Variants in KAT14 observed in about 807,000 individuals in gnomAD.
KAT14 encodes the protein cysteine-rich protein 2-binding protein.
A neutral mutation model predicts 78.4 loss-of-function variants in KAT14; 66 were observed. The ratio of observed to expected loss-of-function variants is 0.84; its 90% CI spans 0.69 to 1.03. KAT14 has a LOEUF of 1.03. KAT14 is among the 50% of genes least tolerant of loss of function. The pLI is 0.00. For synonymous variants in KAT14, 344 were observed against 359.4 expected (o/e 0.96, Z 0.48); for missense variants, 870 against 972.5 (o/e 0.89, Z 1.40).
rs749989905 is a variant in KAT14 at position 18,145,252 on chromosome 20, C to G, written c.279C>G (p.Leu93=). ...TCCTAGGTCAGCTGAGGGAACAGCT[C>G]AGTTACCTTAAGGGTGATAATTTTT... is the stretch of plus-strand genomic sequence containing the variant. ...WIPASQLREQ[L]SYLKGDNFFR... Residue 93 remains leucine (L), a synonymous_variant, in exon 3 of 11, where the codon CTC becomes CTG. Coordinates refer to ENST00000688188, the MANE Select transcript of KAT14 (RefSeq NM_001392073.1). 6.2e-7 allele frequency: 1 copy of G among 1,614,146 alleles called. No homozygotes were observed. Among genetic ancestry groups the G allele is most frequent in the Non-Finnish European group, 8.5e-7 (1 of 1,180,016 alleles).
intron 2 of KAT14, chr20:18,145,005 T>C: frequency 1.8e-6 from 2 of 1,088,406 alleles, no homozygotes; most frequent in Non-Finnish European, 2.3e-6. Flanking sequence ...TTCCAGTACC[T>C]TTCTCCTAAA....
intron 7 of KAT14, 114 bp downstream of exon 7, chr20:18,163,059 G>GAAGAGAA: frequency 7.4e-7 from 1 of 1,352,332 alleles, no homozygotes; most frequent in Non-Finnish European, 9.9e-7. Flanking sequence ...AGTAATTTGG[G>GAAGAGAA]AAGAGAAAAG....
intron 4 of KAT14, among the ~76,000 whole-genome samples, chr20:18,154,436 C>G (rs1485087909): frequency 6.6e-6 from 1 of 152,154 alleles, no homozygotes; most frequent in Non-Finnish European, 1.5e-5. Context: ...TCTCAGCCTC[C>G]GGAGTAGCTG....
At chr20:18,140,331 T>G (rs556109619) in intron 1 of KAT14, among the ~76,000 whole-genome samples, 1 of 152,186 alleles carries the variant, frequency 6.6e-6, no homozygotes, top group African/African-American at 2.4e-5. Context: ...AGTTGAGTTA[T>G]ATCAATCCCG....
intron 7 of KAT14, among the ~76,000 whole-genome samples, chr20:18,174,615 T>C (rs2038966888): frequency 6.6e-6 from 1 of 152,130 alleles, no homozygotes; most frequent in Non-Finnish European, 1.5e-5. Flanking sequence ...GTGTGCCTTT[T>C]CCTGTAATAG....
At chr20:18,144,679 T>C (rs1016823842) in intron 2 of KAT14, among the ~76,000 whole-genome samples, 7 of 152,204 alleles carry the variant, frequency 4.6e-5, no homozygotes, top group Non-Finnish European at 8.8e-5. Flanking sequence ...AGGCTCTGCT[T>C]CAGAAATTGA....
At chr20:18,167,400 T>C (rs372031026) in intron 7 of KAT14, among the ~76,000 whole-genome samples, 33 of 152,348 alleles carry the variant, frequency 2.2e-4, no homozygotes, top group African/African-American at 7.5e-4. Context: ...TAGTAAAGCT[T>C]TATATGCTTG....
rs572036161 is a variant in KAT14, at chr20:18,142,819, C to T, written c.159C>T (p.Asp53=). The T allele has an allele frequency of 1.6e-5, 26 of 1,614,022 alleles. No homozygotes were observed. Among genetic ancestry groups the T allele is most frequent in the Non-Finnish European group, 2.1e-5 (25 of 1,180,044 alleles). ...EDQASVDLSH[D]QSGDSLNSDE... ...AGGCATCAGTGGACTTATCGCACGACCAGAGTGGGGATTCCCTCAACAGTG... is the reference window on the plus strand; with the variant it reads ...AGGCATCAGTGGACTTATCGCACGATCAGAGTGGGGATTCCCTCAACAGTG... The change falls in exon 2 of 11, where the codon GAC becomes GAT. Residue 53 remains aspartate (D), a synonymous_variant. Coordinates refer to ENST00000688188, the MANE Select transcript of KAT14 (RefSeq NM_001392073.1).
At chr20:18,137,395 A>G (rs571852329), upstream of KAT14, among the ~76,000 whole-genome samples, 164 of 152,328 alleles carry the variant, frequency 1.1e-3, 1 homozygote, top group African/African-American at 3.9e-3. Context: ...ATGGGTCCTC[A>G]GGCAAAAACT....
Position 18,162,460 on chromosome 20 carries a change from C to T in KAT14, c.1183C>T (p.Pro395Ser), listed in dbSNP as rs2146432949. Residue 395 changes from proline (P) to serine (S), a missense_variant, in exon 7 of 11, where the codon CCA becomes TCA. By Grantham distance (74) the Pro-to-Ser change is moderately conservative. Transcript: ENST00000688188. ...PPPAGSVASG[P>S]VVGVRKKVRG... Reference sequence around the variant, plus strand: ...CCCTGCTGGGTCAGTAGCTTCTGGGCCAGTGGTTGGGGTCAGAAAGAAGGT... The same window carrying T: ...CCCTGCTGGGTCAGTAGCTTCTGGGTCAGTGGTTGGGGTCAGAAAGAAGGT... 1.2e-6 allele frequency: 2 copies of T among 1,614,000 alleles called. No homozygotes were observed. The highest frequency in any genetic ancestry group is 4.5e-5 in the East Asian group (2 of 44,880).
intron 7 of KAT14, among the ~76,000 whole-genome samples, chr20:18,175,994 T>G: frequency 7.7e-6 from 1 of 130,084 alleles, no homozygotes; most frequent in Non-Finnish European, 1.6e-5. Flanking sequence ...GGCAACTGAG[T>G]GAGACTGTCT....
intron 3 of KAT14, among the ~76,000 whole-genome samples, chr20:18,148,824 G>A (rs866842241): frequency 2.0e-5 from 3 of 151,894 alleles, no homozygotes; most frequent in Admixed American, 6.6e-5. Flanking sequence ...TGGCCAGGCT[G>A]GTCTTGAACT....
At chr20:18,172,634 C>G (rs2038888768) in intron 7 of KAT14, among the ~76,000 whole-genome samples, 1 of 152,190 alleles carries the variant, frequency 6.6e-6, no homozygotes, top group Non-Finnish European at 1.5e-5. Context: ...ATGACATTCA[C>G]TTTATTGCAG....
intron 7 of KAT14, among the ~76,000 whole-genome samples, chr20:18,170,710 A>AT (rs894915428): frequency 7.9e-5 from 12 of 151,458 alleles, no homozygotes; most frequent in Non-Finnish European, 1.3e-4. Flanking sequence ...TATTTTTTGT[A>AT]TTTTTTTTAG....
Position 18,183,318 on chromosome 20 carries a change from C to A in KAT14, c.1981+20C>A, listed in dbSNP as rs1259820322. Reference sequence around the variant, plus strand: ...GGCCTGGTATGTTCCCCCTCCCAAACCAGGCAGGTCATTTTTCTGTACAGT... The same window carrying A: ...GGCCTGGTATGTTCCCCCTCCCAAAACAGGCAGGTCATTTTTCTGTACAGT... On this transcript the variant is annotated intron_variant, in intron 9 of 10. Transcript: ENST00000688188. 1 of 1,605,848 alleles carries A rather than the reference C, an allele frequency of 6.2e-7. No homozygotes were observed. The highest frequency in any genetic ancestry group is 1.3e-5 in the African/African-American group (1 of 74,686).
At chr20:18,173,231 G>A (rs1324835902) in intron 7 of KAT14, among the ~76,000 whole-genome samples, 2 of 152,190 alleles carry the variant, frequency 1.3e-5, no homozygotes, top group African/African-American at 4.8e-5. Flanking sequence ...TGAACCTTGT[G>A]GAGTGGAGTT....
intron 7 of KAT14, among the ~76,000 whole-genome samples, chr20:18,163,805 T>C (rs185852588): frequency 2.0e-5 from 3 of 152,182 alleles, no homozygotes; most frequent in Admixed American, 2.0e-4. Flanking sequence ...TTTGAAACTT[T>C]CTTTCCTGAG....
chr20:18,145,196 G>T (rs961370683), intron 2 of KAT14, 37 bp from the exon 3 acceptor site: 1 of 1,610,376 alleles, frequency 6.2e-7, no homozygotes, highest in Non-Finnish European at 8.5e-7. Flanking sequence ...CGCTGCTCTA[G>T]ATAAACCCAT....
chr20:18,183,676 C>A, intron 9 of KAT14: 1 of 414,712 alleles, frequency 2.4e-6, no homozygotes, highest in Non-Finnish European at 3.2e-6. Context: ...GTTTATTTAG[C>A]TGTTCCTTAG....
Sources: allele counts gnomAD v4.1 joint callset (sites outside exome capture counted in the v4.1 genomes callset), GRCh38; gene constraint gnomAD v4.1.1; transcripts MANE v1.5; gene names NCBI Gene and HGNC (gene_info 2026-07-23, HGNC 2026-07-21).